The following CARMIL1 variants were observed in gnomAD, a reference collection of about 807,000 sequenced individuals.
CARMIL1 encodes F-actin-uncapping protein LRRC16A.
CARMIL1 carries 90 observed loss-of-function variants against 177.1 expected under a neutral mutation model. That is an observed-to-expected ratio of 0.51 (90% CI 0.43 to 0.61). The LOEUF is 0.61. Ranked by LOEUF, CARMIL1 falls within the 20% of genes least tolerant of loss-of-function variation. The pLI is 0.00. For synonymous variants in CARMIL1, 577 were observed against 606.2 expected, an observed-to-expected ratio of 0.95 and a Z score of 0.71; for missense variants, 1,380 against 1,667.0, an observed-to-expected ratio of 0.83 and a Z score of 3.00.
At chr6:25,547,309 A>G (rs556406764) in intron 26 of CARMIL1, among the ~76,000 whole-genome samples, 1 of 152,320 alleles carries the variant, frequency 6.6e-6, no homozygotes, top group African/African-American at 2.4e-5. Flanking sequence ...GAACTTGACA[A>G]AGCTGATTCT....
chr6:25,383,204 G>A (rs1403765393), intron 2 of CARMIL1, among the ~76,000 whole-genome samples: 1 of 152,142 alleles, frequency 6.6e-6, no homozygotes, highest in African/African-American at 2.4e-5. Context: ...TTGGGTAGTG[G>A]CATGAGAAAG....
At chr6:25,618,214 G>A (rs1388209459) in intron 36 of CARMIL1, among the ~76,000 whole-genome samples, 1 of 151,468 alleles carries the variant, frequency 6.6e-6, no homozygotes, top group East Asian at 1.9e-4. Flanking sequence ...TTCACTTCCT[G>A]AAACACTCTT....
chr6:25,302,899 T>C (rs79795273), intron 2 of CARMIL1, among the ~76,000 whole-genome samples: 4,255 of 152,310 alleles, frequency 0.028, 73 homozygotes, highest in Non-Finnish European at 0.038. Context: ...TTACAGATGC[T>C]TGAGGAGAAA....
intron 16 of CARMIL1, among the ~76,000 whole-genome samples, chr6:25,497,433 G>T (rs1194765178): frequency 6.6e-6 from 1 of 152,156 alleles, no homozygotes; most frequent in Non-Finnish European, 1.5e-5. Flanking sequence ...TTGAGATGGA[G>T]ATTCGCAAGT....
chr6:25,546,358 G>A (rs1485893192), intron 26 of CARMIL1, among the ~76,000 whole-genome samples: 1 of 152,084 alleles, frequency 6.6e-6, no homozygotes, highest in Non-Finnish European at 1.5e-5. Flanking sequence ...AGAATCTGCA[G>A]GTAAGTTATT....
chr6:25,590,512 T>G (rs1201942987), intron 31 of CARMIL1, among the ~76,000 whole-genome samples: 1 of 152,182 alleles, frequency 6.6e-6, no homozygotes, highest in East Asian at 1.9e-4. Context: ...ATTGGGAAGC[T>G]CTTTCTTTTC....
chr6:25,292,935 C>T (rs1371602462), intron 2 of CARMIL1, among the ~76,000 whole-genome samples: 1 of 151,718 alleles, frequency 6.6e-6, no homozygotes, highest in Non-Finnish European at 1.5e-5. Context: ...AAAATAGTTA[C>T]AGAGAAAAAT....
At chr6:25,452,214 G>A in intron 8 of CARMIL1, 1 of 764,038 alleles carries the variant, frequency 1.3e-6, no homozygotes, top group Non-Finnish European at 2.4e-6. Context: ...AAAGCCTCCA[G>A]TTCTCAGGCA....
At chr6:25,451,986 G>GGGGGGGGGGGGGGGGGGGCCCC in intron 8 of CARMIL1, 1 of 112,672 alleles carries the variant, frequency 8.9e-6, no homozygotes, top group Non-Finnish European at 1.7e-5. Flanking sequence ...CTAGCATCTT[G>GGGGGGGGGGGGGGGGGGGCCCC]CCCCCCCCTC....
chr6:25,601,915 T>G lies in CARMIL1; in HGVS notation c.3552+1169T>G, dbSNP rs540786639. ...GTGGTTTCTGTGCATTATCTTGAGC[T>G]CCATTATTTTTACACAACTGGTTCT... On this transcript the variant is annotated intron_variant, in intron 33 of 36. Transcript: ENST00000329474. Among the ~76,000 whole-genome samples, 4 of 152,346 alleles carry G rather than the reference T, an allele frequency of 2.6e-5. No homozygotes were observed. In the East Asian group the frequency reaches 7.7e-4, roughly 29 times the overall value.
chr6:25,580,694 A>G (rs543176976), intron 29 of CARMIL1, among the ~76,000 whole-genome samples: 2 of 152,346 alleles, frequency 1.3e-5, no homozygotes, highest in African/African-American at 2.4e-5. Context: ...TTTCAGCTAT[A>G]TAAGTGGAAT....
intron 2 of CARMIL1, chr6:25,393,692 A>G (rs953726793): frequency 2.0e-5 from 3 of 151,040 alleles, no homozygotes; most frequent in Non-Finnish European, 4.4e-5. Context: ...TTGGCAACAT[A>G]ACAAGACCTG....
chr6:25,416,037 G>A (rs915577739), intron 2 of CARMIL1, among the ~76,000 whole-genome samples: 6 of 152,072 alleles, frequency 3.9e-5, no homozygotes, highest in Admixed American at 3.9e-4. Context: ...AGGTACATAC[G>A]TAGAATCATG....
rs1379179384 is a variant in CARMIL1 at position 25,620,129 on chromosome 6, T to A, written c.*546T>A. ...TAATAATTTGTATAGATTATATATA[T>A]TAGATCTTGGGTATGGTTTTTACCT... On this transcript the variant is annotated 3_prime_UTR_variant, in exon 37 of 37. Transcript: ENST00000329474. 6.6e-6 allele frequency: 1 copy of A among 152,660 alleles called. No individual in the cohort carries two copies. The highest frequency in any genetic ancestry group is 6.5e-5 in the Admixed American group (1 of 15,282). The allele number at this position is 152,660 out of a possible 1,614,324, so 9.5% of individuals were successfully genotyped here.
At chr6:25,479,348 TAGAG>T in intron 11 of CARMIL1, 2 of 427,844 alleles carry the variant, frequency 4.7e-6, no homozygotes, top group East Asian at 5.7e-5. Context: ...CTTGAATAGA[TAGAG>T]AACTATTGAG....
At chr6:25,586,035 A>G (rs1417738026) in intron 31 of CARMIL1, among the ~76,000 whole-genome samples, 2 of 152,224 alleles carry the variant, frequency 1.3e-5, no homozygotes, top group South Asian at 4.1e-4. Context: ...CATCATCATC[A>G]TGGCCCGCCC....
At chr6:25,489,514 C>A (rs981476841) in intron 13 of CARMIL1, among the ~76,000 whole-genome samples, 1 of 152,146 alleles carries the variant, frequency 6.6e-6, no homozygotes, top group Non-Finnish European at 1.5e-5. Context: ...TAGGTATTAT[C>A]TCATTTCCAT....
intron 11 of CARMIL1, among the ~76,000 whole-genome samples, chr6:25,477,977 T>G (rs1370461299): frequency 6.6e-6 from 1 of 150,932 alleles, no homozygotes. Context: ...CCACTCAGTC[T>G]CCCAAGTAGC....
intron 2 of CARMIL1, among the ~76,000 whole-genome samples, chr6:25,285,596 G>T (rs564730193): frequency 1.3e-5 from 2 of 152,314 alleles, no homozygotes; most frequent in East Asian, 3.9e-4. Context: ...GGTTGAGATT[G>T]TGGCAAATCT....
Sources: allele counts gnomAD v4.1 joint callset (sites outside exome capture counted in the v4.1 genomes callset), GRCh38; gene constraint gnomAD v4.1.1; transcripts MANE v1.5; gene names NCBI Gene and HGNC (gene_info 2026-07-23, HGNC 2026-07-21).